The following NCAM2 variants were observed in gnomAD, a reference collection of about 807,000 sequenced individuals.
The protein encoded by NCAM2 is neural cell adhesion molecule 2.
NCAM2 carries 30 observed loss-of-function variants against 98.1 expected under a neutral mutation model. The ratio of observed to expected loss-of-function variants is 0.31; its 90% CI spans 0.23 to 0.41. NCAM2 has a LOEUF of 0.41. Among genes scored for constraint, NCAM2 ranks in the 10% least tolerant of loss-of-function variants. The pLI, the probability that NCAM2 is intolerant of heterozygous loss-of-function variation, is 1.00. For missense variants in NCAM2, 867 were observed against 1,005.8 expected (o/e 0.86, Z 1.87); for synonymous variants, 368 against 342.4 (o/e 1.07, Z -0.83).
chr21:21,360,454 T>G (rs192567076), intron 8 of NCAM2, among the ~76,000 whole-genome samples: 1 of 152,128 alleles, frequency 6.6e-6, no homozygotes, highest in East Asian at 1.9e-4. Context: ...TATCTAAGTC[T>G]TTCTTTCTCA....
intron 1 of NCAM2, among the ~76,000 whole-genome samples, chr21:21,118,945 G>C (rs992060151): frequency 6.6e-6 from 1 of 152,066 alleles, no homozygotes; most frequent in Non-Finnish European, 1.5e-5. Flanking sequence ...TTCATTTCTA[G>C]CTTTTTAGAC....
chr21:21,176,619 A>T (rs2068298143), intron 1 of NCAM2, among the ~76,000 whole-genome samples: 1 of 152,100 alleles, frequency 6.6e-6, no homozygotes, highest in Admixed American at 6.5e-5. Flanking sequence ...AAATATTTTG[A>T]GGGAGAAATT....
At chr21:21,317,742 T>C (rs902096959) in intron 5 of NCAM2, among the ~76,000 whole-genome samples, 6 of 151,984 alleles carry the variant, frequency 3.9e-5, no homozygotes, top group African/African-American at 1.5e-4. Context: ...ATTATGTTTC[T>C]CAGGCTCATC....
chr21:21,175,121 A>G (rs2068240447), intron 1 of NCAM2, among the ~76,000 whole-genome samples: 1 of 152,178 alleles, frequency 6.6e-6, no homozygotes, highest in African/African-American at 2.4e-5. Flanking sequence ...TTTTGAGATG[A>G]GTCTGGTTAA....
chr21:21,088,969 T>G (rs574787138), intron 1 of NCAM2, among the ~76,000 whole-genome samples: 1 of 99,684 alleles, frequency 1.0e-5, no homozygotes, highest in Non-Finnish European at 2.0e-5. Context: ...AAACTCTGTC[T>G]CAAAAAAAAA....
chr21:21,027,331 T>C (rs1213256718), intron 1 of NCAM2, among the ~76,000 whole-genome samples: 1 of 152,236 alleles, frequency 6.6e-6, no homozygotes, highest in East Asian at 1.9e-4. Context: ...GTCAACTGTT[T>C]ACCAGTCATT....
At chr21:21,498,889 A>G (rs1017276579) in intron 15 of NCAM2, among the ~76,000 whole-genome samples, 1 of 152,226 alleles carries the variant, frequency 6.6e-6, no homozygotes, top group East Asian at 1.9e-4. Flanking sequence ...AAAATGAATT[A>G]TAGAAGAAGA....
chr21:21,252,234 C>A (rs915213362), intron 1 of NCAM2, among the ~76,000 whole-genome samples: 3 of 151,326 alleles, frequency 2.0e-5, no homozygotes, highest in African/African-American at 7.3e-5. Context: ...AAATAGGAAC[C>A]CTTTTACACT....
chr21:21,073,384 A>G (rs1030849577), intron 1 of NCAM2, among the ~76,000 whole-genome samples: 1 of 152,194 alleles, frequency 6.6e-6, no homozygotes, highest in Admixed American at 6.5e-5. Flanking sequence ...AAGAGTTGCA[A>G]ATGTAAGATA....
intron 1 of NCAM2, among the ~76,000 whole-genome samples, chr21:21,068,113 A>G (rs1222776477): frequency 6.6e-6 from 1 of 150,642 alleles, no homozygotes; most frequent in African/African-American, 2.4e-5. Flanking sequence ...ATTATGTACT[A>G]CTAAAATAAT....
chr21:21,293,629 AT>A (rs2073373478), intron 5 of NCAM2, among the ~76,000 whole-genome samples: 1 of 147,002 alleles, frequency 6.8e-6, no homozygotes, highest in Non-Finnish European at 1.5e-5. Flanking sequence ...ATTTCAGTGC[AT>A]AAAGGATAGG....
intron 1 of NCAM2, among the ~76,000 whole-genome samples, chr21:21,041,931 T>C (rs2064913803): frequency 1.3e-5 from 2 of 152,186 alleles, no homozygotes; most frequent in Admixed American, 1.3e-4. Flanking sequence ...TCAGCTTATC[T>C]TGTGGCTAAG....
intron 1 of NCAM2, among the ~76,000 whole-genome samples, chr21:21,049,043 G>A (rs1380040913): frequency 2.5e-5 from 3 of 120,844 alleles, no homozygotes; most frequent in African/African-American, 3.2e-5. Context: ...ACGGAGTCTC[G>A]CTCTGTCGCC....
intron 8 of NCAM2, among the ~76,000 whole-genome samples, chr21:21,356,921 C>T (rs980841476): frequency 6.6e-6 from 1 of 151,890 alleles, no homozygotes; most frequent in African/African-American, 2.4e-5. Context: ...ATCCCGGAGG[C>T]GGAGGTTGCA....
At position 21,474,253 on chromosome 21, in the gene NCAM2, T is replaced by G. The variant is rs553653889; in HGVS notation, c.1897-3038T>G. Among the ~76,000 whole-genome samples, 4 of 152,154 alleles carry G rather than the reference T, an allele frequency of 2.6e-5. No individual in the cohort carries two copies. The East Asian group carries it at 7.7e-4, about 29-fold the overall frequency. ...AATGTTGAAAGGAAAATGTAATTGA[T>G]TTATGCTGGGAACATGTTAGAGCTC... On this transcript the variant is annotated intron_variant, in intron 14 of 17. Transcript: ENST00000400546.
intron 1 of NCAM2, among the ~76,000 whole-genome samples, chr21:21,085,147 G>T (rs981044091): frequency 1.3e-5 from 2 of 151,318 alleles, no homozygotes; most frequent in African/African-American, 2.4e-5. Flanking sequence ...ATCTTGCAAA[G>T]TTATTGTTGT....
intron 1 of NCAM2, among the ~76,000 whole-genome samples, chr21:21,131,549 A>G (rs2066936758): frequency 6.6e-6 from 1 of 152,226 alleles, no homozygotes; most frequent in Non-Finnish European, 1.5e-5. Context: ...TTGGGATTAC[A>G]GGCATGAGCC....
chr21:21,506,672 G>A (rs1484164184), intron 15 of NCAM2, among the ~76,000 whole-genome samples: 1 of 151,990 alleles, frequency 6.6e-6, no homozygotes, highest in Non-Finnish European at 1.5e-5. Flanking sequence ...TTCCTCAAGT[G>A]GTTTCATGTG....
chr21:21,465,026 A>G (rs1983497864), intron 12 of NCAM2, among the ~76,000 whole-genome samples: 1 of 152,140 alleles, frequency 6.6e-6, no homozygotes, highest in African/African-American at 2.4e-5. Flanking sequence ...TCTAAAAAGC[A>G]AGTTCAGTTT....
Sources: gnomAD v4.1 joint callset for allele counts (sites outside exome capture counted in the v4.1 genomes callset) on GRCh38, gnomAD v4.1.1 for gene constraint, MANE v1.5 for transcripts, NCBI Gene and HGNC (gene_info 2026-07-23, HGNC 2026-07-21) for gene names.